UBASH3A: variants seen among roughly 807,000 people sequenced by gnomAD.
The protein encoded by UBASH3A is ubiquitin associated and SH3 domain containing A, also known as ubiquitin-associated and SH3 domain-containing protein A.
Under a neutral mutation model 73.5 loss-of-function variants are expected in UBASH3A, and 63 were observed. The ratio of observed to expected loss-of-function variants is 0.86; its 90% CI spans 0.70 to 1.06. The LOEUF is 1.06. Among genes scored for constraint, UBASH3A ranks in the 50% least tolerant of loss-of-function variants. The probability of loss-of-function intolerance (pLI) is 0.00; values close to 1 mark genes in which losing one functional copy is unlikely to be tolerated. For synonymous variants in UBASH3A, 363 were observed against 351.1 expected, an observed-to-expected ratio of 1.03 and a Z score of -0.38; for missense variants, 860 against 859.0, an observed-to-expected ratio of 1.00 and a Z score of -0.02.
In UBASH3A at chr21:42,432,186, AT is replaced by A; in HGVS notation, c.1255del (p.Cys419AlafsTer13). 6.2e-7 allele frequency: 1 copy of A among 1,612,852 alleles called. No homozygotes were observed. The highest frequency in any genetic ancestry group is 8.5e-7 in the Non-Finnish European group (1 of 1,179,180). ...QIFGKAWLQQ[C>X]STPDGKYYRP... is the part of the protein sequence containing the mutation. ...TCTTCGGGAAGGCATGGCTGCAGCA[AT>A]GCTCCACTCCTGATGGTAGGTCACA... On this transcript the variant is annotated frameshift_variant, in exon 9 of 15. Coordinates refer to ENST00000319294, the MANE Select transcript of UBASH3A (RefSeq NM_018961.4). LOFTEE classifies it high-confidence loss of function.
intron 8 of UBASH3A, among the ~76,000 whole-genome samples, chr21:42,427,701 A>T (rs1027864610): frequency 6.6e-6 from 1 of 152,174 alleles, no homozygotes; most frequent in Non-Finnish European, 1.5e-5. Context: ...TCCAGTGCCC[A>T]CCACGGCCAG....
intron 6 of UBASH3A, among the ~76,000 whole-genome samples, chr21:42,416,912 T>G (rs571312170): frequency 4.7e-5 from 7 of 149,308 alleles, no homozygotes. Context: ...CAGCCTGGGC[T>G]ACAGAGCGAG....
chr21:42,446,448 C>T (rs1166231235), intron 14 of UBASH3A, among the ~76,000 whole-genome samples: 1 of 152,184 alleles, frequency 6.6e-6, no homozygotes, highest in Non-Finnish European at 1.5e-5. Flanking sequence ...ACTCAGACCC[C>T]CCTGCCAGTT....
rs915364319 is a variant in UBASH3A, at chr21:42,413,976, G to T, written c.667+453G>T. On this transcript the variant is annotated intron_variant, in intron 5 of 14. Coordinates refer to ENST00000319294, the MANE Select transcript of UBASH3A (RefSeq NM_018961.4). The surrounding 1 kb of genome is among the most constrained non-coding windows in gnomAD (Gnocchi z 4.5). ...TGATTTTTTTCTGTGTCCCTGATGAGTGGCATGACCTTAATCAAGTCATGT... is the reference window on the plus strand; with the variant it reads ...TGATTTTTTTCTGTGTCCCTGATGATTGGCATGACCTTAATCAAGTCATGT... Among the ~76,000 whole-genome samples the T allele has an allele frequency of 4.6e-5, 7 of 152,158 alleles. No homozygotes were observed. Among genetic ancestry groups the T allele is most frequent in the Admixed American group, 4.6e-4 (7 of 15,276 alleles).
chr21:42,420,407 ATTT>A (rs2053315672), intron 7 of UBASH3A, among the ~76,000 whole-genome samples: 2 of 152,258 alleles, frequency 1.3e-5, no homozygotes, highest in Non-Finnish European at 1.5e-5. Flanking sequence ...TCTTTTGAAT[ATTT>A]TTGGCCTGCA....
intron 8 of UBASH3A, among the ~76,000 whole-genome samples, 172 bp downstream of exon 8, chr21:42,426,992 C>T (rs1370618085): frequency 2.0e-5 from 3 of 152,164 alleles, no homozygotes; most frequent in Admixed American, 2.0e-4. Context: ...TGCCGGGGGT[C>T]CTGCCCTGGT....
At chr21:42,434,326 G>T (rs1007440506) in intron 9 of UBASH3A, among the ~76,000 whole-genome samples, 1 of 141,558 alleles carries the variant, frequency 7.1e-6, no homozygotes, top group Non-Finnish European at 1.5e-5. Flanking sequence ...GCAGCCTCTG[G>T]TGGGAGACAG....
Position 42,407,807 on chromosome 21 carries a change from T to C in UBASH3A, c.167+1446T>C, listed in dbSNP as rs529696410. Among the ~76,000 whole-genome samples the C allele has an allele frequency of 1.1e-4, 16 of 152,322 alleles. No individual in the cohort carries two copies. The South Asian group carries it at 3.1e-3, about 30-fold the overall frequency. The stretch of plus-strand genomic sequence containing the variant: ...CCTAAAGAGACATGTACAAAGATCT[T>C]GATTGCAGGGTTATGAAATGGTTTT... On this transcript the variant is annotated intron_variant, in intron 2 of 14. Transcript: ENST00000319294.
At position 42,413,421 on chromosome 21, in the gene UBASH3A, T is replaced by C. The variant is rs1478026894; in HGVS notation, c.565T>C (p.Ser189Pro). 8 of 1,613,450 alleles carry C rather than the reference T, an allele frequency of 5.0e-6. No homozygotes were observed. The highest frequency in any genetic ancestry group is 1.7e-5 in the Admixed American group (1 of 59,940). ...EASLLAGTSV[S>P]RFWIFSQVPG... Reference sequence around the variant, plus strand: ...CTGTCCTCACCCAGGCACTTCCGTTTCCCGCTTCTGGATTTTCAGCCAGGT... The same window carrying C: ...CTGTCCTCACCCAGGCACTTCCGTTCCCCGCTTCTGGATTTTCAGCCAGGT... The change falls in exon 5 of 15, where the codon TCC becomes CCC. Residue 189 changes from serine to proline, a missense_variant. Ser to Pro is a moderately conservative substitution (Grantham distance 74). Transcript: ENST00000319294. This position sits in a 1 kb window ranked among gnomAD's most constrained non-coding sequence, Gnocchi z 4.5.
At chr21:42,435,931 A>G (rs950862809) in intron 10 of UBASH3A, among the ~76,000 whole-genome samples, 1 of 152,076 alleles carries the variant, frequency 6.6e-6, no homozygotes, top group Non-Finnish European at 1.5e-5. Context: ...TTATAGAGTC[A>G]TAGAGTTATA....
chr21:42,404,036 A>G lies in UBASH3A; in HGVS notation c.91A>G (p.Met31Val), dbSNP rs765188710. 2.0e-6 allele frequency: 3 copies of G among 1,524,722 alleles called. No individual in the cohort carries two copies. In the South Asian group the frequency reaches 3.7e-5, roughly 19 times the overall value. The allele number at this position is 1,524,722 out of a possible 1,614,324, so 94.4% of individuals were successfully genotyped here. The stretch of plus-strand genomic sequence containing the variant: ...CTCGCTCCTGGAGCCCCTCCTGGCC[A>G]TGGGCTTCCCGGTGCACACCGCGTG... ...SPSLLEPLLA[M>V]GFPVHTALKA... The change falls in exon 1 of 15, where the codon ATG becomes GTG. Residue 31 changes from methionine to valine, a missense_variant. Transcript: ENST00000319294.
intron 11 of UBASH3A, 50 bp downstream of exon 11, chr21:42,437,630 A>G (rs757369116): frequency 6.6e-7 from 1 of 1,509,160 alleles, no homozygotes; most frequent in Non-Finnish European, 9.2e-7. Flanking sequence ...CCTTGGGGCT[A>G]TTCTCCAAGG....
intron 6 of UBASH3A, 118 bp from the exon 7 acceptor site, chr21:42,418,283 C>A: frequency 1.2e-6 from 1 of 832,458 alleles, no homozygotes; most frequent in Non-Finnish European, 2.0e-6. Context: ...GTCTTGGAGA[C>A]ACAGAACACA....
At position 42,447,239 on chromosome 21, in the gene UBASH3A, A is replaced by G; in HGVS notation, c.*45A>G. The G allele has an allele frequency of 6.3e-7, 1 of 1,595,754 alleles. No homozygotes were observed. Among genetic ancestry groups the G allele is most frequent in the Non-Finnish European group, 8.5e-7 (1 of 1,171,334 alleles). ...ATAACCTCAGAGTGGAGAGGCAGAA[A>G]CCATGTGCAGAGGCTGGGAGATGCT... On this transcript the variant is annotated 3_prime_UTR_variant, in exon 15 of 15. Coordinates refer to ENST00000319294, the MANE Select transcript of UBASH3A (RefSeq NM_018961.4).
At chr21:42,415,883 G>A (rs1289761615) in intron 5 of UBASH3A, among the ~76,000 whole-genome samples, 1 of 152,166 alleles carries the variant, frequency 6.6e-6, no homozygotes, top group Non-Finnish European at 1.5e-5. Flanking sequence ...GATGCCAGCT[G>A]CTCTGCTCAG....
chr21:42,441,831 A>G (rs1448767516), intron 11 of UBASH3A, among the ~76,000 whole-genome samples: 1 of 152,236 alleles, frequency 6.6e-6, no homozygotes, highest in East Asian at 1.9e-4. Context: ...GTTCAATGAC[A>G]TCTTCTCCAT....
At chr21:42,446,245 C>G (rs906015019) in intron 14 of UBASH3A, among the ~76,000 whole-genome samples, 1 of 152,194 alleles carries the variant, frequency 6.6e-6, no homozygotes, top group Non-Finnish European at 1.5e-5. Context: ...CCTGCCCCTA[C>G]CCCAAAATAA....
intron 11 of UBASH3A, among the ~76,000 whole-genome samples, chr21:42,439,023 G>C (rs74331949): frequency 0.014 from 2,182 of 152,228 alleles, 63 homozygotes; most frequent in African/African-American, 0.05. Flanking sequence ...ATGCACACAT[G>C]TGCATTGCCG....
chr21:42,405,739 C>G (rs938839838), intron 1 of UBASH3A, among the ~76,000 whole-genome samples: 1 of 152,102 alleles, frequency 6.6e-6, no homozygotes, highest in African/African-American at 2.4e-5. Flanking sequence ...CCCGGGTTAC[C>G]GTGATGAATA....
Sources: gnomAD v4.1 joint callset for allele counts (sites outside exome capture counted in the v4.1 genomes callset) on GRCh38, gnomAD v4.1.1 for gene constraint, Gnocchi (gnomAD v3.1) non-coding constraint, MANE v1.5 for transcripts, NCBI Gene and HGNC (gene_info 2026-07-23, HGNC 2026-07-21) for gene names.